The following CLUH variants were observed in gnomAD, a reference collection of about 807,000 sequenced individuals.
CLUH encodes the protein clustered mitochondria protein homolog.
A neutral mutation model predicts 139.3 loss-of-function variants in CLUH; 77 were observed. The observed-to-expected ratio is 0.55, with a 90% CI of 0.46 to 0.67. The LOEUF is 0.67. CLUH is among the 30% of genes least tolerant of loss of function. The pLI is 0.00. For synonymous variants in CLUH, 999 were observed against 801.6 expected, an observed-to-expected ratio of 1.25 and a Z score of -4.16; for missense variants, 1,876 against 1,875.8, an observed-to-expected ratio of 1.00 and a Z score of 0.00.
Position 2,704,547 on chromosome 17 carries a change from G to T in CLUH, c.118C>A (p.Leu40Ile), listed in dbSNP as rs1345704800. Residue 40 changes from leucine to isoleucine, a missense_variant, in exon 2 of 26, where the codon CTC (leucine) becomes ATC (isoleucine). Transcript: ENST00000651024. The surrounding 1 kb of genome is among the most constrained non-coding windows in gnomAD (Gnocchi z 5.7). ...CTCTCTGGGCAGTCCCCGTTTAAGA[G>T]CATGACTGATGGCAGCTCTGCGGGT... ...PGAAELPSVMLLNGDCPESLK... is the reference protein window; with the variant it reads ...PGAAELPSVMILNGDCPESLK... The T allele has an allele frequency of 6.4e-7, 1 of 1,567,574 alleles. No homozygotes were observed. The highest frequency in any genetic ancestry group is 1.9e-5 in the Admixed American group (1 of 53,354).
intron 3 of CLUH, 110 bp from the exon 4 acceptor site, chr17:2,702,167 A>G (rs2070210615): frequency 1.5e-6 from 2 of 1,354,758 alleles, no homozygotes; most frequent in South Asian, 2.9e-5. Flanking sequence ...TTAATTTTCA[A>G]CTTTAGGTTT....
chr17:2,709,689 C>T (rs2070453827), intron 1 of CLUH, among the ~76,000 whole-genome samples: 1 of 152,150 alleles, frequency 6.6e-6, no homozygotes, highest in African/African-American at 2.4e-5. Context: ...CCTAGATCAG[C>T]TCCTTCCTAA....
chr17:2,691,292 G>C (rs116604643), intron 25 of CLUH, among the ~76,000 whole-genome samples: 1 of 151,952 alleles, frequency 6.6e-6, no homozygotes, highest in Non-Finnish European at 1.5e-5. Flanking sequence ...GGCCGGGCGC[G>C]ATGGCTCACG....
rs1440154027 is a variant in CLUH, at chr17:2,698,384, C to T, written c.1473G>A (p.Leu491=). The T allele has an allele frequency of 6.2e-7, 1 of 1,613,178 alleles. No homozygotes were observed. The highest frequency in any genetic ancestry group is 1.7e-5 in the Admixed American group (1 of 59,998). The part of the protein sequence containing the change: ...VAAYVAPTND[L]NGVRTYNAVD... ...CCGCGTTGTACGTGCGGACGCCATTCAGGTCGTTGGTGGGCGCCACGTAGG... is the reference window on the plus strand; with the variant it reads ...CCGCGTTGTACGTGCGGACGCCATTTAGGTCGTTGGTGGGCGCCACGTAGG... The change falls in exon 10 of 26, where the codon CTG becomes CTA. Residue 491 remains leucine, a synonymous_variant. Transcript: ENST00000651024.
intron 22 of CLUH, 92 bp from the exon 23 acceptor site, chr17:2,692,189 C>A: frequency 6.8e-7 from 1 of 1,461,702 alleles, no homozygotes; most frequent in Non-Finnish European, 9.3e-7. Context: ...CCGTAGATCC[C>A]TCCCTGGAAG....
At position 2,692,363 on chromosome 17, in the gene CLUH, G is replaced by A. The variant is rs1318209627; in HGVS notation, c.3558C>T (p.Leu1186=). ...YHGPKALKVA[L]SHHLVARVYE... The stretch of plus-strand genomic sequence containing the variant: ...CGTTTGGACGGGCGGCCCCTCACCT[G>A]AGGGCCACCTTGAGGGCCTTGGGCC... Residue 1186 remains leucine, a splice_region_variant and synonymous_variant, in exon 22 of 26, where the codon CTC becomes CTT. Transcript: ENST00000651024. 11 of 1,578,146 alleles carry A rather than the reference G, an allele frequency of 7.0e-6. No homozygotes were observed. The highest frequency in any genetic ancestry group is 8.5e-6 in the Non-Finnish European group (10 of 1,169,964).
chr17:2,698,724 T>G, intron 9 of CLUH, 134 bp from the exon 10 acceptor site: 1 of 793,132 alleles, frequency 1.3e-6, no homozygotes. Context: ...GAGCCTCAGT[T>G]TCCTCATATG....
Position 2,694,922 on chromosome 17 carries a change from G to A in CLUH, c.2787C>T (p.Thr929=), listed in dbSNP as rs1398114225. 6 of 1,606,158 alleles carry A rather than the reference G, an allele frequency of 3.7e-6. No homozygotes were observed. Among genetic ancestry groups the A allele is most frequent in the Middle Eastern group, 1.6e-4 (1 of 6,064 alleles). Reference sequence around the variant, plus strand: ...AGATGTTCTTCCAGAGCTCCTGGGGGGTCATGACAGCCCAGGCTGTGTTAT... The same window carrying A: ...AGATGTTCTTCCAGAGCTCCTGGGGAGTCATGACAGCCCAGGCTGTGTTAT... ...AADNTAWAVM[T]PQELWKNICQ... The change falls in exon 16 of 26, where the codon ACC becomes ACT. Residue 929 remains threonine (T), a synonymous_variant. Transcript: ENST00000651024.
intron 12 of CLUH, 70 bp from the exon 13 acceptor site, chr17:2,696,329 G>T: frequency 6.7e-7 from 1 of 1,500,498 alleles, no homozygotes; most frequent in Non-Finnish European, 9.1e-7. Flanking sequence ...GCTGGCGGGG[G>T]AAGCGCTCAG....
chr17:2,696,137 A>C, intron 13 of CLUH, 22 bp downstream of exon 13: 10 of 1,453,566 alleles, frequency 6.9e-6, no homozygotes, highest in South Asian at 1.2e-5. Context: ...AGCCCCACCC[A>C]GCCCCGCAGC....
chr17:2,704,530 G>C lies in CLUH; in HGVS notation c.135C>G (p.Cys45Trp). 1 of 1,577,872 alleles carries C rather than the reference G, an allele frequency of 6.3e-7. No individual in the cohort carries two copies. The highest frequency in any genetic ancestry group is 8.6e-7 in the Non-Finnish European group (1 of 1,162,210). ...CCGCCTCCTTCTTCAGGCTCTCTGG[G>C]CAGTCCCCGTTTAAGAGCATGACTG... is the stretch of plus-strand genomic sequence containing the variant. ...LPSVMLLNGD[C>W]PESLKKEAAA... The change falls in exon 2 of 26, where the codon TGC becomes TGG. Residue 45 changes from cysteine to tryptophan, a missense_variant. Coordinates refer to ENST00000651024, the MANE Select transcript of CLUH (RefSeq NM_001366661.1). The surrounding 1 kb of genome is among the most constrained non-coding windows in gnomAD (Gnocchi z 5.7).
At position 2,707,897 on chromosome 17, in the gene CLUH, G is replaced by C; in HGVS notation, c.101-3333C>G. 1.0e-6 allele frequency: 1 copy of C among 985,428 alleles called. No homozygotes were observed. Among genetic ancestry groups the C allele is most frequent in the Non-Finnish European group, 1.2e-6 (1 of 829,930 alleles). The allele number at this position is 985,428 out of a possible 1,614,324, so 61.0% of individuals were successfully genotyped here. On this transcript the variant is annotated intron_variant, in intron 1 of 25. Transcript: ENST00000651024. The surrounding 1 kb of genome is among the most constrained non-coding windows in gnomAD (Gnocchi z 7.4). ...CACTGGTTCTGGTGGAAGGGAGGGG[G>C]ATGGGCCCCCAGCTTCCCAGAGGAC...
Position 2,703,153 on chromosome 17 carries a change from C to T in CLUH, c.475+165G>A, listed in dbSNP as rs1350856682. On this transcript the variant is annotated intron_variant, in intron 3 of 25. Transcript: ENST00000651024. The surrounding 1 kb of genome is among the most constrained non-coding windows in gnomAD (Gnocchi z 4.2). ...CGGCTCTGTTCTTTAACCCATGGGCCGTGAAGTTGGCAGATATAGGTGTGC... is the reference window on the plus strand; with the variant it reads ...CGGCTCTGTTCTTTAACCCATGGGCTGTGAAGTTGGCAGATATAGGTGTGC... 2.0e-5 allele frequency among the ~76,000 whole-genome samples: 3 copies of T among 152,174 alleles called. No homozygotes were observed. The highest frequency in any genetic ancestry group is 2.9e-5 in the Non-Finnish European group (2 of 68,034).
chr17:2,701,291 C>G (rs375392802), intron 6 of CLUH, 26 bp from the exon 7 acceptor site: 98 of 1,607,426 alleles, frequency 6.1e-5, no homozygotes, highest in Middle Eastern at 4.9e-4. Context: ...GGGCACTGAG[C>G]GGGGGCCCAG....
rs755954442 is a variant in CLUH, at chr17:2,689,513, A to G, written c.*1081T>C. On this transcript the variant is annotated 3_prime_UTR_variant, in exon 26 of 26. Coordinates refer to ENST00000651024, the MANE Select transcript of CLUH (RefSeq NM_001366661.1). ...CCCGCTCACGCCCATCCCCCTTGAA[A>G]CAAGGTGTCTGGACGGACCACACCC... 1.3e-5 allele frequency: 2 copies of G among 152,698 alleles called. No homozygotes were observed. Among genetic ancestry groups the G allele is most frequent in the Non-Finnish European group, 2.9e-5 (2 of 68,084 alleles). 9.5% of individuals were successfully genotyped at this position (152,698 alleles called of 1,614,324 possible).
At chr17:2,695,854 C>A (rs1016577282) in intron 13 of CLUH, 2 of 578,168 alleles carry the variant, frequency 3.5e-6, no homozygotes, top group Non-Finnish European at 6.1e-6. Context: ...AGACACAGAG[C>A]CTGCGGGAGG....
At chr17:2,698,635 G>A (rs1001026488) in intron 9 of CLUH, 45 bp from the exon 10 acceptor site, 7 of 1,491,106 alleles carry the variant, frequency 4.7e-6, no homozygotes, top group East Asian at 2.5e-5. Context: ...GCGCCCACAA[G>A]AGCCTGCATC....
chr17:2,691,940 G>T (rs772527087), intron 23 of CLUH, 45 bp from the exon 24 acceptor site: 1 of 1,298,946 alleles, frequency 7.7e-7, no homozygotes. Context: ...TGCCCCCGCG[G>T]CCCCGCCCCC....
chr17:2,695,614 G>A (rs2069910126), intron 13 of CLUH, 88 bp from the exon 14 acceptor site: 1 of 1,441,268 alleles, frequency 6.9e-7, no homozygotes, highest in East Asian at 2.5e-5. Context: ...TATCCTGGGA[G>A]GCCCTGGAGA....
Sources: allele counts gnomAD v4.1 joint callset (sites outside exome capture counted in the v4.1 genomes callset), GRCh38; gene constraint gnomAD v4.1.1; non-coding constraint Gnocchi (gnomAD v3.1); transcripts MANE v1.5; gene names NCBI Gene and HGNC (gene_info 2026-07-23, HGNC 2026-07-21).